The following UNC5C variants were observed in gnomAD, a reference collection of about 807,000 sequenced individuals.
UNC5C encodes netrin receptor UNC5C.
A neutral mutation model predicts 99.8 loss-of-function variants in UNC5C; 47 were observed. That is an observed-to-expected ratio of 0.47 (90% CI 0.37 to 0.60). The LOEUF (loss-of-function observed/expected upper bound fraction) is 0.60. Ranked by LOEUF, UNC5C falls within the 20% of genes least tolerant of loss-of-function variation. UNC5C has a pLI of 0.00. For missense variants in UNC5C, 1,062 were observed against 1,165.9 expected (o/e 0.91, Z 1.30); for synonymous variants, 487 against 452.2 (o/e 1.08, Z -0.98).
At chr4:95,531,409 G>A (rs919732899) in intron 1 of UNC5C, among the ~76,000 whole-genome samples, 2 of 152,242 alleles carry the variant, frequency 1.3e-5, no homozygotes, top group South Asian at 2.1e-4. Flanking sequence ...AGCTCTCTGC[G>A]GTAATTATGC....
Position 95,336,915 on chromosome 4 carries a change from C to T in UNC5C, c.125-1284G>A, listed in dbSNP as rs1287049251. On this transcript the variant is annotated intron_variant, in intron 1 of 15. Transcript: ENST00000453304. ...GAACATCAAGGACCAAAATTGTCAG[C>T]TTACTAAAGAATAACCTTGTTTCCA... Among the ~76,000 whole-genome samples the T allele has an allele frequency of 2.6e-5, 4 of 151,916 alleles. 1 individual carries two copies. Among genetic ancestry groups the T allele is most frequent in the Non-Finnish European group, 5.9e-5 (4 of 67,890 alleles).
intron 1 of UNC5C, among the ~76,000 whole-genome samples, chr4:95,441,515 C>T (rs1746949703): frequency 2.0e-5 from 3 of 151,996 alleles, no homozygotes. Flanking sequence ...TGCTAAATTA[C>T]TTTGGCCTAA....
chr4:95,201,429 C>T (rs1737650333), intron 12 of UNC5C, among the ~76,000 whole-genome samples: 3 of 152,246 alleles, frequency 2.0e-5, no homozygotes. Flanking sequence ...TCACTGAAGT[C>T]AGGCTGATAT....
chr4:95,298,556 C>T (rs920323481), intron 3 of UNC5C, among the ~76,000 whole-genome samples: 1 of 152,142 alleles, frequency 6.6e-6, no homozygotes, highest in Non-Finnish European at 1.5e-5. Flanking sequence ...TCCCTCTTGC[C>T]CCTCCTTCAG....
chr4:95,254,411 T>G (rs1739875361), intron 4 of UNC5C, among the ~76,000 whole-genome samples: 1 of 152,158 alleles, frequency 6.6e-6, no homozygotes, highest in Non-Finnish European at 1.5e-5. Context: ...TAATTCTAAA[T>G]TCAACCCAGA....
intron 12 of UNC5C, among the ~76,000 whole-genome samples, chr4:95,192,130 C>A (rs1193842569): frequency 7.0e-6 from 1 of 142,910 alleles, no homozygotes; most frequent in African/African-American, 2.6e-5. Flanking sequence ...CCCTGCTCAT[C>A]CTCCTCCCAT....
intron 1 of UNC5C, among the ~76,000 whole-genome samples, chr4:95,375,357 A>G (rs1042286893): frequency 6.6e-6 from 1 of 152,176 alleles, no homozygotes; most frequent in Non-Finnish European, 1.5e-5. Context: ...ATAGAAAAAT[A>G]CATTATCCAT....
chr4:95,276,071 C>T (rs72887727), intron 4 of UNC5C, among the ~76,000 whole-genome samples: 1,897 of 152,158 alleles, frequency 0.012, 43 homozygotes, highest in African/African-American at 0.043. Context: ...GGAAAATGGT[C>T]GTATAATCCT....
At chr4:95,333,812 C>A (rs551687737) in intron 2 of UNC5C, among the ~76,000 whole-genome samples, 50 of 152,020 alleles carry the variant, frequency 3.3e-4, no homozygotes, top group Admixed American at 6.6e-4. Flanking sequence ...TATGTTGTAA[C>A]GTATTTGAGT....
intron 1 of UNC5C, among the ~76,000 whole-genome samples, chr4:95,416,391 T>C (rs1310370004): frequency 6.6e-6 from 1 of 152,044 alleles, no homozygotes; most frequent in Non-Finnish European, 1.5e-5. Context: ...TATTAGCCTG[T>C]AGGAACTGAG....
At chr4:95,382,293 T>G (rs898777418) in intron 1 of UNC5C, among the ~76,000 whole-genome samples, 1 of 151,814 alleles carries the variant, frequency 6.6e-6, no homozygotes, top group Non-Finnish European at 1.5e-5. Context: ...GGCAACATAG[T>G]GAAACCCTGT....
intron 1 of UNC5C, among the ~76,000 whole-genome samples, chr4:95,536,958 T>C (rs1337407106): frequency 6.6e-6 from 1 of 152,174 alleles, no homozygotes; most frequent in East Asian, 1.9e-4. Flanking sequence ...TTAAAACAGT[T>C]AACAACACCA....
intron 12 of UNC5C, among the ~76,000 whole-genome samples, chr4:95,191,513 C>T (rs1025571664): frequency 6.6e-6 from 1 of 151,974 alleles, no homozygotes; most frequent in African/African-American, 2.4e-5. Context: ...CGGACCCTGG[C>T]TTTGTTGCCT....
rs752906000 is a variant in UNC5C at position 95,240,487 on chromosome 4, AAG to A, written c.1108+1940_1108+1941del. Among the ~76,000 whole-genome samples, 89 of 152,312 alleles carry A rather than the reference AAG, an allele frequency of 5.8e-4. 2 individuals are homozygous for A. Among genetic ancestry groups the A allele is most frequent in the Middle Eastern group, 3.4e-3 (1 of 294 alleles). On this transcript the variant is annotated intron_variant, in intron 7 of 15. Transcript: ENST00000453304. ...GGAGTGGATACAGGAGGGCAGATGA[AAG>A]AGTTTATTGACTTAGTAGGGATTGT... is the stretch of plus-strand genomic sequence containing the variant.
chr4:95,388,073 A>G (rs1444988743), intron 1 of UNC5C, among the ~76,000 whole-genome samples: 1 of 152,214 alleles, frequency 6.6e-6, no homozygotes, highest in Non-Finnish European at 1.5e-5. Flanking sequence ...AACATTAAAC[A>G]TGCCACATTA....
Position 95,167,635 on chromosome 4 carries a change from A to C in UNC5C, c.*1599T>G, listed in dbSNP as rs1476993188. ...GAAGGCTGGGGGCAGGGGCATCCCA[A>C]GAGAGGCTAAGAAAATGATAATAAA... On this transcript the variant is annotated 3_prime_UTR_variant, in exon 16 of 16. Coordinates refer to ENST00000453304, the MANE Select transcript of UNC5C (RefSeq NM_003728.4). 1 of 152,256 alleles carries C rather than the reference A, an allele frequency of 6.6e-6. No homozygotes were observed. The highest frequency in any genetic ancestry group is 1.5e-5 in the Non-Finnish European group (1 of 68,076). 9.4% of individuals were successfully genotyped at this position (152,256 alleles called of 1,614,324 possible). A position where few individuals can be genotyped will look rare whatever the true frequency, so the allele number is the denominator to read the frequency against.
At chr4:95,278,862 G>A (rs936139946) in intron 3 of UNC5C, among the ~76,000 whole-genome samples, 3 of 152,154 alleles carry the variant, frequency 2.0e-5, no homozygotes, top group African/African-American at 7.2e-5. Flanking sequence ...GTGAAATTCA[G>A]AGGTTATGAA....
rs574746532 is a variant in UNC5C at position 95,162,708 on chromosome 4, T to C, written c.*6526A>G. On this transcript the variant is annotated 3_prime_UTR_variant, in exon 16 of 16. Transcript: ENST00000453304. Reference sequence around the variant, plus strand: ...CACTCAGCAAGGCGCCGGACAGATATCCGGAGGGCACTCTGCCTCTGCCGG... The same window carrying C: ...CACTCAGCAAGGCGCCGGACAGATACCCGGAGGGCACTCTGCCTCTGCCGG... 52 of 152,178 alleles carry C rather than the reference T, an allele frequency of 3.4e-4. No homozygotes were observed. The highest frequency in any genetic ancestry group is 1.1e-3 in the African/African-American group (45 of 41,488). 9.4% of individuals were successfully genotyped at this position (152,178 alleles called of 1,614,324 possible). A position where few individuals can be genotyped will look rare whatever the true frequency, so the allele number is the denominator to read the frequency against.
chr4:95,344,542 CA>C (rs1743699863), intron 1 of UNC5C, among the ~76,000 whole-genome samples: 1 of 151,918 alleles, frequency 6.6e-6, no homozygotes, highest in Non-Finnish European at 1.5e-5. Flanking sequence ...GAAAAACACA[CA>C]ATATTATAAC....
Sources: allele counts gnomAD v4.1 joint callset (sites outside exome capture counted in the v4.1 genomes callset), GRCh38; gene constraint gnomAD v4.1.1; transcripts MANE v1.5; gene names NCBI Gene and HGNC (gene_info 2026-07-23, HGNC 2026-07-21).